Variants in PHKG2 observed in about 807,000 individuals in gnomAD.
PHKG2 encodes phosphorylase kinase catalytic subunit gamma 2, also known as phosphorylase b kinase gamma catalytic chain, liver/testis isoform.
PHKG2 carries 28 observed loss-of-function variants against 44.5 expected under a neutral mutation model. The observed-to-expected ratio is 0.63, with a 90% CI of 0.47 to 0.86. PHKG2 has a LOEUF of 0.86. Among genes scored for constraint, PHKG2 ranks in the 40% least tolerant of loss-of-function variants. The pLI, the probability that PHKG2 is intolerant of heterozygous loss-of-function variation, is 0.00. For synonymous variants in PHKG2, 220 were observed against 211.2 expected, an observed-to-expected ratio of 1.04 and a Z score of -0.36; for missense variants, 498 against 547.5, an observed-to-expected ratio of 0.91 and a Z score of 0.90.
chr16:30,756,320 G>A, intron 7 of PHKG2, 47 bp from the exon 8 acceptor site: 1 of 1,614,124 alleles, frequency 6.2e-7, no homozygotes, highest in Non-Finnish European at 8.5e-7. Flanking sequence ...GTCCTTTGCT[G>A]GGTCTGCCCG....
In PHKG2 at chr16:30,753,339, G is replaced by A. The variant is rs775973433; in HGVS notation, c.392+42G>A. ...AAGCCCCAGGGGTGAGCAGGGGGTG[G>A]GACAGGGCAGGGAGGAGCCGAGGAG... On this transcript the variant is annotated intron_variant, in intron 5 of 9. Coordinates refer to ENST00000563588, the MANE Select transcript of PHKG2 (RefSeq NM_000294.3). The A allele has an allele frequency of 1.9e-6, 3 of 1,613,512 alleles. No homozygotes were observed. The South Asian group carries it at 3.3e-5, about 18-fold the overall frequency.
At position 30,760,063 on chromosome 16, in the gene PHKG2, A is replaced by G. The variant is rs2053645359; in HGVS notation, c.*2966A>G. ...TATTGTGCACTATGCATATATTTGCATATATTATTTCTCAGAACAGTCCTG... is the reference window on the plus strand; with the variant it reads ...TATTGTGCACTATGCATATATTTGCGTATATTATTTCTCAGAACAGTCCTG... On this transcript the variant is annotated 3_prime_UTR_variant, in exon 10 of 10. Coordinates refer to ENST00000563588, the MANE Select transcript of PHKG2 (RefSeq NM_000294.3). 1 of 1,530,746 alleles carries G rather than the reference A, an allele frequency of 6.5e-7. No homozygotes were observed. The highest frequency in any genetic ancestry group is 2.0e-5 in the Admixed American group (1 of 50,046). The allele number at this position is 1,530,746 out of a possible 1,614,324, so 94.8% of individuals were successfully genotyped here. A position where few individuals can be genotyped will look rare whatever the true frequency, so the allele number is the denominator to read the frequency against.
At chr16:30,755,011 TG>T (rs2053398243) in intron 6 of PHKG2, 1 of 432,090 alleles carries the variant, frequency 2.3e-6, no homozygotes, top group Admixed American at 2.4e-5. Flanking sequence ...TAAAATCTCC[TG>T]GAAGTGTGCC....
rs1014131805 is a variant in PHKG2, at chr16:30,761,119, C to A, written c.*4022C>A. 26 of 1,511,512 alleles carry A rather than the reference C, an allele frequency of 1.7e-5. No individual in the cohort carries two copies. The highest frequency in any genetic ancestry group is 2.4e-5 in the Non-Finnish European group (26 of 1,099,528). The allele number at this position is 1,511,512 out of a possible 1,614,324, so 93.6% of individuals were successfully genotyped here. Reference sequence around the variant, plus strand: ...CAGTCTCATCTGTAAAATGGGGATGCCCTGGCCACAGACAGGACTGTTGGG... The same window carrying A: ...CAGTCTCATCTGTAAAATGGGGATGACCTGGCCACAGACAGGACTGTTGGG... On this transcript the variant is annotated 3_prime_UTR_variant, in exon 10 of 10. Coordinates refer to ENST00000563588, the MANE Select transcript of PHKG2 (RefSeq NM_000294.3).
In PHKG2 at chr16:30,748,999, GGGTGGTGGTGGTGGTGGTGGTGGT is replaced by G. The variant is rs1161416543; in HGVS notation, c.95+152_95+175del. The G allele has an allele frequency of 1.3e-3, 714 of 550,296 alleles. 35 individuals carry two copies. The highest frequency in any genetic ancestry group is 4.5e-3 in the African/African-American group (151 of 33,874). The allele number at this position is 550,296 out of a possible 1,614,324, so 34.1% of individuals were successfully genotyped here. On this transcript the variant is annotated intron_variant, in intron 2 of 9. Coordinates refer to ENST00000563588, the MANE Select transcript of PHKG2 (RefSeq NM_000294.3). Reference sequence around the variant, plus strand: ...TCCGTTTGAAGGCTGGAGAGTTCGCGGGTGGTGGTGGTGGTGGTGGTGGTGGTGGTGGTGGTGGTGGTGGTGGTG... The same window carrying G: ...TCCGTTTGAAGGCTGGAGAGTTCGCGGGTGGTGGTGGTGGTGGTGGTGGTG...
At chr16:30,754,840 G>A (rs915865565) in intron 6 of PHKG2, 6 of 455,680 alleles carry the variant, frequency 1.3e-5, no homozygotes, top group African/African-American at 8.0e-5. Context: ...TTCACAACAC[G>A]TCTTACTGTA....
rs1397469314 is a variant in PHKG2 at position 30,753,550 on chromosome 16, G to C, written c.549G>C (p.Lys183Asn). 1 of 1,614,110 alleles carries C rather than the reference G, an allele frequency of 6.2e-7. No homozygotes were observed. The change falls in exon 6 of 10, where the codon AAG (lysine) becomes AAC (asparagine). Residue 183 changes from lysine (K) to asparagine (N), a missense_variant. Transcript: ENST00000563588. The stretch of plus-strand genomic sequence containing the variant: ...CCTGCCACTTGGAACCTGGCGAGAA[G>C]CTTCGAGGTGAGGGGATCTAGTGCC... ...GFSCHLEPGEKLRELCGTPGY... is the reference protein window; with the variant it reads ...GFSCHLEPGENLRELCGTPGY...
intron 6 of PHKG2, 121 bp from the exon 7 acceptor site, chr16:30,756,061 C>A: frequency 1.2e-6 from 1 of 839,932 alleles, no homozygotes; most frequent in Non-Finnish European, 2.1e-6. Flanking sequence ...AGAAGGCAGA[C>A]AGAAGGAAGA....
Position 30,759,051 on chromosome 16 carries a change from C to T in PHKG2, c.*1954C>T. The T allele has an allele frequency of 1.9e-6, 3 of 1,614,188 alleles. No individual in the cohort carries two copies. Among genetic ancestry groups the T allele is most frequent in the Non-Finnish European group, 2.5e-6 (3 of 1,180,012 alleles). On this transcript the variant is annotated 3_prime_UTR_variant, in exon 10 of 10. Transcript: ENST00000563588. The stretch of plus-strand genomic sequence containing the variant: ...GGTGGGGCCACTGTCTCTAGTTCCT[C>T]TTTCTGCGGGGTAACTGCCTGCTCC...
Position 30,753,276 on chromosome 16 carries a change from C to G in PHKG2, c.371C>G (p.Ala124Gly), listed in dbSNP as rs555472522. 4 of 1,614,034 alleles carry G rather than the reference C, an allele frequency of 2.5e-6. 1 individual carries two copies. In the South Asian group the frequency reaches 4.4e-5, roughly 18 times the overall value. The change falls in exon 5 of 10, where the codon GCC becomes GGC. Residue 124 changes from alanine to glycine, a missense_variant. By Grantham distance (60) the Ala-to-Gly change is moderately conservative (BLOSUM62 0). Transcript: ENST00000563588. Reference protein sequence around the residue: ...ELFDYLTEKVALSEKETRSIM... With the variant: ...ELFDYLTEKVGLSEKETRSIM... ...TTTGACTATCTCACAGAGAAGGTGGCCCTCTCTGAAAAGGAAACCAGGTAA... is the reference window on the plus strand; with the variant it reads ...TTTGACTATCTCACAGAGAAGGTGGGCCTCTCTGAAAAGGAAACCAGGTAA...
intron 4 of PHKG2, 150 bp from the exon 5 acceptor site, chr16:30,753,082 T>C: frequency 2.8e-6 from 2 of 719,054 alleles, no homozygotes; most frequent in Admixed American, 2.0e-5. Flanking sequence ...CAAACTGCCT[T>C]GTTGGAGTGC....
chr16:30,749,810 T>C (rs1260273980), intron 2 of PHKG2, among the ~76,000 whole-genome samples: 1 of 152,110 alleles, frequency 6.6e-6, no homozygotes, highest in Admixed American at 6.5e-5. Flanking sequence ...CTGGAGGTAC[T>C]CCACCCGAAG....
chr16:30,748,630 CG>C, intron 1 of PHKG2, 140 bp downstream of exon 1: 1 of 557,840 alleles, frequency 1.8e-6, no homozygotes, highest in Non-Finnish European at 3.2e-6. Flanking sequence ...GCCATCCTCC[CG>C]CCCCCAGGCT....
chr16:30,760,586 A>G lies in PHKG2; in HGVS notation c.*3489A>G, dbSNP rs2053691805. On this transcript the variant is annotated 3_prime_UTR_variant, in exon 10 of 10. Transcript: ENST00000563588. ...TCAGCCTTTGCCAAGAGCTCTTCCCACGCCCCCCTCAGTCCCTACTCCCTC... is the reference window on the plus strand; with the variant it reads ...TCAGCCTTTGCCAAGAGCTCTTCCCGCGCCCCCCTCAGTCCCTACTCCCTC... The G allele has an allele frequency of 1.3e-6, 2 of 1,562,358 alleles. No homozygotes were observed. Among genetic ancestry groups the G allele is most frequent in the Admixed American group, 1.9e-5 (1 of 51,974 alleles).
At position 30,760,340 on chromosome 16, in the gene PHKG2, A is replaced by C. The variant is rs766453263; in HGVS notation, c.*3243A>C. 1 of 1,614,224 alleles carries C rather than the reference A, an allele frequency of 6.2e-7. No individual in the cohort carries two copies. The highest frequency in any genetic ancestry group is 2.2e-5 in the East Asian group (1 of 44,882). Reference sequence around the variant, plus strand: ...GGCACAAGCCGCTGACGTCTGCTCCAGTGAGAAGCCCTGCTGGCGGCAGAA... The same window carrying C: ...GGCACAAGCCGCTGACGTCTGCTCCCGTGAGAAGCCCTGCTGGCGGCAGAA... On this transcript the variant is annotated 3_prime_UTR_variant, in exon 10 of 10. Coordinates refer to ENST00000563588, the MANE Select transcript of PHKG2 (RefSeq NM_000294.3).
Position 30,757,117 on chromosome 16 carries a change from C to A in PHKG2, c.*20C>A. ...GGCTAGGACCTCAACCCCAGGGATT[C>A]CCAGGAAGCAGAACTCTCCAGAAGA... is the stretch of plus-strand genomic sequence containing the variant. On this transcript the variant is annotated 3_prime_UTR_variant, in exon 10 of 10. Transcript: ENST00000563588. 1.2e-6 allele frequency: 2 copies of A among 1,612,588 alleles called. No individual in the cohort carries two copies. The highest frequency in any genetic ancestry group is 2.2e-5 in the South Asian group (2 of 91,074).
intron 1 of PHKG2, 131 bp from the exon 2 acceptor site, chr16:30,748,672 T>TTCCCCCCCC: frequency 2.9e-6 from 1 of 347,038 alleles, no homozygotes; most frequent in South Asian, 2.2e-5. Flanking sequence ...TCCGGGTCCT[T>TTCCCCCCCC]CCCCCACCCC....
chr16:30,748,937 CG>C, intron 2 of PHKG2, 22 bp downstream of exon 2: 1 of 1,532,714 alleles, frequency 6.5e-7, no homozygotes, highest in Non-Finnish European at 8.8e-7. Context: ...GCCAGGGAAA[CG>C]GAGGTCCAAA....
At chr16:30,751,686 C>A in intron 4 of PHKG2, 83 bp downstream of exon 4, 1 of 1,140,070 alleles carries the variant, frequency 8.8e-7, no homozygotes. Flanking sequence ...GTGGGCTGGA[C>A]CCATCCTGCT....
Sources: gnomAD v4.1 joint callset for allele counts (sites outside exome capture counted in the v4.1 genomes callset) on GRCh38, gnomAD v4.1.1 for gene constraint, MANE v1.5 for transcripts, NCBI Gene and HGNC (gene_info 2026-07-23, HGNC 2026-07-21) for gene names.